Variants in SH2D4B observed in about 807,000 individuals in gnomAD.
SH2D4B encodes SH2 domain containing 4B, also known as SH2 domain-containing protein 4B.
In SH2D4B, 45 loss-of-function variants were observed where a neutral mutation model predicts 61.5. The observed-to-expected ratio is 0.73, with a 90% CI of 0.58 to 0.94. SH2D4B has a LOEUF of 0.94. Ranked by LOEUF, SH2D4B falls within the 40% of genes least tolerant of loss-of-function variation. The pLI is 0.00. For missense variants in SH2D4B, 572 were observed against 574.2 expected, an observed-to-expected ratio of 1.00 and a Z score of 0.04; for synonymous variants, 224 against 220.4, an observed-to-expected ratio of 1.02 and a Z score of -0.14.
chr10:80,538,959 G>C lies in SH2D4B; in HGVS notation c.184+444G>C, dbSNP rs934551220. Among the ~76,000 whole-genome samples the C allele has an allele frequency of 4.6e-5, 7 of 152,248 alleles. No individual in the cohort carries two copies. The highest frequency in any genetic ancestry group is 1.7e-4 in the African/African-American group (7 of 41,468). ...TGCGTGGCACACCAGTTCTTGGCTA[G>C]GGCCCCTTCTGTGGACTGTGCCTCT... On this transcript the variant is annotated intron_variant, in intron 1 of 7. Coordinates refer to ENST00000646907, the MANE Select transcript of SH2D4B (RefSeq NM_001388272.1). This position sits in a 1 kb window ranked among gnomAD's most constrained non-coding sequence, Gnocchi z 4.8.
chr10:80,609,297 C>CG, intron 5 of SH2D4B, 127 bp from the exon 6 acceptor site: 2 of 795,616 alleles, frequency 2.5e-6, no homozygotes, highest in Non-Finnish European at 3.8e-6. Flanking sequence ...CCCCTTCTTC[C>CG]ACCCCCCCTT....
At chr10:80,637,577 T>C (rs1218820342) in intron 7 of SH2D4B, among the ~76,000 whole-genome samples, 4 of 152,210 alleles carry the variant, frequency 2.6e-5, no homozygotes, top group Non-Finnish European at 4.4e-5. Flanking sequence ...ATGATTTGGC[T>C]CTCTGTTTTG....
Position 80,544,448 on chromosome 10 carries a change from A to G in SH2D4B, c.184+5933A>G, listed in dbSNP as rs535788406. On this transcript the variant is annotated intron_variant, in intron 1 of 7. Transcript: ENST00000646907. ...AGTCAGTGAGACCAAGAACCCACCA[A>G]TTCCAGACACAGAGTCACTCCCACT... Among the ~76,000 whole-genome samples the G allele has an allele frequency of 4.6e-5, 7 of 152,340 alleles. No homozygotes were observed. The South Asian group carries it at 1.4e-3, about 32-fold the overall frequency.
intron 6 of SH2D4B, among the ~76,000 whole-genome samples, chr10:80,614,285 G>A (rs139849198): frequency 3.3e-5 from 5 of 152,202 alleles, no homozygotes; most frequent in Non-Finnish European, 4.4e-5. Context: ...GCTTTTACTC[G>A]TGGCAGAAGG....
intron 7 of SH2D4B, among the ~76,000 whole-genome samples, chr10:80,638,134 G>C (rs568274874): frequency 1.3e-5 from 2 of 152,318 alleles, no homozygotes; most frequent in African/African-American, 4.8e-5. Flanking sequence ...CAGGGATGAA[G>C]CTGACTTGAT....
intron 1 of SH2D4B, among the ~76,000 whole-genome samples, chr10:80,555,022 A>G (rs1278628693): frequency 1.3e-5 from 2 of 151,676 alleles, no homozygotes; most frequent in African/African-American, 4.8e-5. Flanking sequence ...AAAAAAAAAA[A>G]AAAAATCCAT....
intron 5 of SH2D4B, among the ~76,000 whole-genome samples, chr10:80,606,051 A>T (rs1842515773): frequency 6.6e-6 from 1 of 152,112 alleles, no homozygotes; most frequent in Admixed American, 6.5e-5. Flanking sequence ...AGGCCCAGGC[A>T]GTGAGAGGGC....
At position 80,577,991 on chromosome 10, in the gene SH2D4B, G is replaced by A. The variant is rs367919718; in HGVS notation, c.495+6413G>A. On this transcript the variant is annotated intron_variant, in intron 3 of 7. Coordinates refer to ENST00000646907, the MANE Select transcript of SH2D4B (RefSeq NM_001388272.1). ...TTTTTTCTTTCTTTTTTTTTTTCGA[G>A]ACAGGGTCCGGCTCTGTTACCCAGG... is the stretch of plus-strand genomic sequence containing the variant. Among the ~76,000 whole-genome samples the A allele has an allele frequency of 2.9e-4, 44 of 150,540 alleles. 1 individual carries two copies. The South Asian group carries it at 9.2e-3, about 32-fold the overall frequency.
chr10:80,558,719 G>T (rs1239753527), intron 1 of SH2D4B, among the ~76,000 whole-genome samples: 4 of 152,066 alleles, frequency 2.6e-5, no homozygotes, highest in Non-Finnish European at 4.4e-5. Flanking sequence ...GGTTAAGGCT[G>T]GTCTTGAACT....
chr10:80,541,072 G>A (rs561086450), intron 1 of SH2D4B: 16 of 711,660 alleles, frequency 2.2e-5, no homozygotes, highest in East Asian at 2.2e-4. Context: ...AAGTGCGGGC[G>A]TGCTCATGAG....
intron 4 of SH2D4B, among the ~76,000 whole-genome samples, chr10:80,596,002 T>A (rs1293096053): frequency 1.6e-4 from 25 of 152,128 alleles, no homozygotes; most frequent in Non-Finnish European, 3.7e-4. Flanking sequence ...GTGGGTGGGG[T>A]CTGTTTATAT....
intron 1 of SH2D4B, among the ~76,000 whole-genome samples, chr10:80,542,069 C>T (rs905717109): frequency 3.9e-5 from 6 of 152,116 alleles, no homozygotes; most frequent in Non-Finnish European, 1.5e-5. Context: ...ACGTTTCTGA[C>T]AAAGTTCGTT....
intron 4 of SH2D4B, among the ~76,000 whole-genome samples, chr10:80,589,767 T>C (rs1478586341): frequency 6.6e-6 from 1 of 152,066 alleles, no homozygotes. Flanking sequence ...GACACAGGAA[T>C]AAGCAAGTCA....
chr10:80,621,044 A>G (rs1589360476), intron 6 of SH2D4B, among the ~76,000 whole-genome samples: 1 of 152,360 alleles, frequency 6.6e-6, no homozygotes, highest in East Asian at 1.9e-4. Context: ...TATACCATAC[A>G]CTACAGTTTT....
chr10:80,572,248 C>T (rs1842057152), intron 3 of SH2D4B, among the ~76,000 whole-genome samples: 1 of 152,118 alleles, frequency 6.6e-6, no homozygotes, highest in Admixed American at 6.5e-5. Context: ...TCATAATATT[C>T]AGGTAATAAT....
At chr10:80,635,429 G>A (rs1163195682) in intron 7 of SH2D4B, among the ~76,000 whole-genome samples, 1 of 151,682 alleles carries the variant, frequency 6.6e-6, no homozygotes, top group Non-Finnish European at 1.5e-5. Context: ...ATGACTTGAC[G>A]GTCTCACTGG....
chr10:80,623,009 G>A (rs1842731901), intron 6 of SH2D4B, among the ~76,000 whole-genome samples: 1 of 152,226 alleles, frequency 6.6e-6, no homozygotes, highest in African/African-American at 2.4e-5. Context: ...TCCTCTCCCG[G>A]GTTCAAGCGA....
Position 80,644,096 on chromosome 10 carries a change from T to C in SH2D4B, c.*11T>C. On this transcript the variant is annotated 3_prime_UTR_variant, in exon 8 of 8. Transcript: ENST00000646907. ...CTGTTGTTTGAATAATTTTTTTCCT[T>C]ATCAATTGGATTCATTTTGGTATCC... The C allele has an allele frequency of 6.2e-7, 1 of 1,608,780 alleles. No individual in the cohort carries two copies. The highest frequency in any genetic ancestry group is 8.5e-7 in the Non-Finnish European group (1 of 1,175,472).
chr10:80,633,120 C>T (rs11817256), intron 6 of SH2D4B, among the ~76,000 whole-genome samples: 4,079 of 151,734 alleles, frequency 0.027, 193 homozygotes, highest in African/African-American at 0.094. Context: ...AGCCTGACTG[C>T]GGCTCGCTCG....
Sources: allele counts gnomAD v4.1 joint callset (sites outside exome capture counted in the v4.1 genomes callset), GRCh38; gene constraint gnomAD v4.1.1; non-coding constraint Gnocchi (gnomAD v3.1); transcripts MANE v1.5; gene names NCBI Gene and HGNC (gene_info 2026-07-23, HGNC 2026-07-21).